The following TENM1 variants were observed in gnomAD, a reference collection of about 807,000 sequenced individuals.
TENM1 encodes the protein teneurin-1.
Under a neutral mutation model 174.8 loss-of-function variants are expected in TENM1, and 35 were observed. The observed-to-expected ratio is 0.20, with a 90% confidence interval of 0.15 to 0.27. The LOEUF is 0.27. Ranked by LOEUF, TENM1 falls within the 10% of genes least tolerant of loss-of-function variation. TENM1 has a pLI of 1.00. For synonymous variants in TENM1, 781 were observed against 798.7 expected (o/e 0.98, Z 0.37); for missense variants, 1,633 against 2,130.1 (o/e 0.77, Z 4.59).
the TENM1 span, among the ~76,000 whole-genome samples, chrX:125,022,950 AG>A: frequency 9.0e-6 from 1 of 111,624 alleles, no homozygotes; most frequent in African/African-American, 3.3e-5. Context: ...GGGTTACGGA[AG>A]TACAGGATTA....
chrX:124,384,946 T>C, intron 29 of TENM1, 92 bp from the exon 33 acceptor site: 1 of 820,485 alleles, frequency 1.2e-6, no homozygotes, highest in Admixed American at 3.7e-5. Context: ...GTACTGGTGC[T>C]TTTATATTCA....
At chrX:124,918,826 G>T (rs1035476614) in intron 1 of TENM1, among the ~76,000 whole-genome samples, 1 of 111,469 alleles carries the variant, frequency 9.0e-6, no homozygotes. Context: ...CAAGTAACCT[G>T]CCATGTTAAG....
chrX:124,639,456 T>C (rs2050958205), intron 11 of TENM1, among the ~76,000 whole-genome samples: 1 of 112,319 alleles, frequency 8.9e-6, no homozygotes, highest in Admixed American at 9.4e-5. Context: ...TCCTTTGTGC[T>C]CTGTGACACA....
chrX:124,856,356 C>G (rs983204712), intron 3 of TENM1, among the ~76,000 whole-genome samples: 4 of 110,763 alleles, frequency 3.6e-5, no homozygotes, highest in African/African-American at 1.3e-4. Flanking sequence ...GATTAAAAGA[C>G]CTTAAACTAT....
At chrX:125,123,954 G>T in the TENM1 span, among the ~76,000 whole-genome samples, 1 of 112,461 alleles carries the variant, frequency 8.9e-6, no homozygotes, top group Non-Finnish European at 1.9e-5. Context: ...ATGTACATTT[G>T]AATATTGGCT....
chrX:125,145,933 C>A, the TENM1 span, among the ~76,000 whole-genome samples: 1 of 112,000 alleles, frequency 8.9e-6, no homozygotes, highest in Non-Finnish European at 1.9e-5. Context: ...TACCCAGAGA[C>A]CTTTTAATTG....
chrX:124,885,791 G>T (rs902361796), intron 3 of TENM1, among the ~76,000 whole-genome samples: 2 of 110,932 alleles, frequency 1.8e-5, no homozygotes, highest in Non-Finnish European at 3.8e-5. Flanking sequence ...CTCTGAAGTA[G>T]CCAAGATGAT....
intron 22 of TENM1, among the ~76,000 whole-genome samples, chrX:124,474,087 A>G (rs1255907045): frequency 9.0e-6 from 1 of 111,392 alleles, no homozygotes; most frequent in East Asian, 2.8e-4. Context: ...TTGACCTACA[A>G]GGACATAATG....
intron 3 of TENM1, among the ~76,000 whole-genome samples, chrX:124,775,096 G>C (rs190965461): frequency 1.1e-4 from 12 of 110,394 alleles, no homozygotes; most frequent in Non-Finnish European, 1.9e-5. Flanking sequence ...GCTATAATTA[G>C]TTAGAATAAC....
At chrX:124,813,719 C>T (rs1267440783) in intron 3 of TENM1, among the ~76,000 whole-genome samples, 1 of 111,141 alleles carries the variant, frequency 9.0e-6, no homozygotes, top group Non-Finnish European at 1.9e-5. Flanking sequence ...CAGAATATCT[C>T]TCTAAAGGTA....
the TENM1 span, among the ~76,000 whole-genome samples, chrX:125,085,181 G>C: frequency 9.2e-6 from 1 of 108,363 alleles, no homozygotes; most frequent in Non-Finnish European, 1.9e-5. Context: ...GAGACATACA[G>C]GGCAAAAAAA....
Position 124,788,582 on chromosome X carries a change from T to C in TENM1, c.536-51385A>G, listed in dbSNP as rs149815790. Among the ~76,000 whole-genome samples the C allele has an allele frequency of 5.6e-4, 63 of 112,456 alleles. No homozygotes were observed. The East Asian group carries it at 0.017, about 30-fold the overall frequency. ...ATTGGGTAAATACAGCTATTCCAAA[T>C]GGGAGAAACTGGCCAAAACAAAGGG... On this transcript the variant is annotated intron_variant, in intron 3 of 31. Transcript: ENST00000422452.
chrX:124,905,227 G>C (rs2057727389), intron 1 of TENM1, among the ~76,000 whole-genome samples: 1 of 110,510 alleles, frequency 9.0e-6, no homozygotes, highest in South Asian at 3.9e-4. Flanking sequence ...AGACTGGGAG[G>C]ATCACTTGAG....
At chrX:124,732,029 C>T (rs1462723334) in intron 4 of TENM1, among the ~76,000 whole-genome samples, 1 of 111,792 alleles carries the variant, frequency 8.9e-6, no homozygotes, top group African/African-American at 3.3e-5. Context: ...ATTCTGAGAG[C>T]AAAAGCAAAT....
In TENM1 at chrX:124,955,797, G is replaced by A. The variant is rs765059980; in HGVS notation, c.217+7740C>T. Among the ~76,000 whole-genome samples the A allele has an allele frequency of 5.4e-3, 489 of 91,236 alleles. 2 individuals are homozygous for A. The highest frequency in any genetic ancestry group is 8.3e-3 in the Non-Finnish European group (397 of 47,958). The allele number at this position is 91,236 out of a possible 115,157, so 79.2% of individuals were successfully genotyped here. ...ATAAACAGATACAACACACGCGCAC[G>A]CACACACACACACACACACACACAC... On this transcript the variant is annotated intron_variant, in intron 1 of 31. Transcript: ENST00000422452.
intron 6 of TENM1, among the ~76,000 whole-genome samples, chrX:124,664,045 G>A (rs2051678409): frequency 9.0e-6 from 1 of 111,279 alleles, no homozygotes; most frequent in African/African-American, 3.3e-5. Flanking sequence ...CATCTATATA[G>A]CATTATAGGA....
chrX:125,039,461 G>A, the TENM1 span, among the ~76,000 whole-genome samples: 3 of 110,607 alleles, frequency 2.7e-5, no homozygotes, highest in South Asian at 1.1e-3. Flanking sequence ...CCCAAAGCAT[G>A]AGTCAATTTT....
chrX:124,756,136 T>C (rs1603139688), intron 3 of TENM1, among the ~76,000 whole-genome samples: 1 of 104,623 alleles, frequency 9.6e-6, no homozygotes, highest in African/African-American at 3.8e-5. Flanking sequence ...CAATCAGACG[T>C]AGATTTGGTC....
At chrX:125,077,600 C>T in the TENM1 span, among the ~76,000 whole-genome samples, 1 of 111,446 alleles carries the variant, frequency 9.0e-6, no homozygotes, top group Non-Finnish European at 1.9e-5. Context: ...AACCCATTCA[C>T]AGATCCTCCT....
Sources: gnomAD v4.1 joint callset for allele counts (sites outside exome capture counted in the v4.1 genomes callset) on GRCh38, gnomAD v4.1.1 for gene constraint, MANE v1.5 for transcripts, NCBI Gene and HGNC (gene_info 2026-07-23, HGNC 2026-07-21) for gene names.